Variants in PRH1 observed in about 807,000 individuals in gnomAD.
PRH1 encodes the protein proline rich protein HaeIII subfamily 1.
A neutral mutation model predicts 7.9 loss-of-function variants in PRH1; 7 were observed. The observed-to-expected ratio is 0.89, with a 90% CI of 0.50 to 1.67. The LOEUF (loss-of-function observed/expected upper bound fraction) is 1.67. PRH1 is among the 40% of genes most tolerant of loss of function. The pLI is 0.00. For missense variants in PRH1, 109 were observed against 223.6 expected (o/e 0.49, Z 3.27); for synonymous variants, 45 against 80.8 (o/e 0.56, Z 2.38).
At chr12:10,908,351 T>G in intron 2 of PRH1, 7 of 1,564,996 alleles carry the variant, frequency 4.5e-6, no homozygotes, top group Non-Finnish European at 6.1e-6. Context: ...TATTCAATAA[T>G]CTGTGGTCTG....
intron 1 of PRH1, among the ~76,000 whole-genome samples, chr12:11,065,342 A>T (rs1404926482): frequency 6.6e-5 from 10 of 152,130 alleles, no homozygotes; most frequent in Non-Finnish European, 2.9e-5. Context: ...CTAAAAATAT[A>T]TGAACTGATA....
chr12:11,102,325 G>C (rs1945280764), intron 1 of PRH1, among the ~76,000 whole-genome samples: 1 of 152,126 alleles, frequency 6.6e-6, no homozygotes, highest in Non-Finnish European at 1.5e-5. Context: ...AAACAGCATG[G>C]TGCTGGTACC....
At position 11,066,827 on chromosome 12, in the gene PRH1, T is replaced by C. The variant is rs921897437; in HGVS notation, n.124-19639A>G. On this transcript the variant is annotated intron_variant and non_coding_transcript_variant, in intron 1 of 4. Transcript: ENST00000541977. ...GGCCTAGAGAAGTATCCTCATGTGG[T>C]AGTTCATCAAGAATAATGTAAAACC... 9.2e-5 allele frequency among the ~76,000 whole-genome samples: 14 copies of C among 151,976 alleles called. No individual in the cohort carries two copies. In the South Asian group the frequency reaches 2.3e-3, roughly 25 times the overall value.
intron 1 of PRH1, among the ~76,000 whole-genome samples, chr12:11,031,676 T>G (rs2136103446): frequency 6.6e-6 from 1 of 152,318 alleles, no homozygotes; most frequent in South Asian, 2.1e-4. Context: ...CATTGGCTAC[T>G]TTTAGGATCC....
At chr12:11,073,611 C>T (rs1393670783) in intron 1 of PRH1, among the ~76,000 whole-genome samples, 1 of 151,836 alleles carries the variant, frequency 6.6e-6, no homozygotes, top group Non-Finnish European at 1.5e-5. Context: ...GTTAACCTAC[C>T]TAGCCTCTGC....
chr12:11,092,701 T>A (rs149931252), intron 1 of PRH1, among the ~76,000 whole-genome samples: 2,904 of 115,620 alleles, frequency 0.025, 844 homozygotes, highest in South Asian at 0.038. Flanking sequence ...CTTGCTAGCT[T>A]CAGAAACGTT....
At chr12:11,040,130 A>C (rs1484451654) in intron 1 of PRH1, among the ~76,000 whole-genome samples, 2 of 152,306 alleles carry the variant, frequency 1.3e-5, no homozygotes, top group Middle Eastern at 6.8e-3. Flanking sequence ...AAGAGTCTAG[A>C]GTTCTTTGTA....
At chr12:11,030,183 G>A (rs1415264088) in intron 1 of PRH1, among the ~76,000 whole-genome samples, 4 of 151,656 alleles carry the variant, frequency 2.6e-5, no homozygotes, top group Non-Finnish European at 5.9e-5. Flanking sequence ...AAACAGAAAA[G>A]AGCATGTTAT....
intron 2 of PRH1, among the ~76,000 whole-genome samples, chr12:10,912,635 A>G (rs917014751): frequency 2.6e-5 from 4 of 151,940 alleles, no homozygotes; most frequent in Non-Finnish European, 2.9e-5. Flanking sequence ...TATTCCTGGC[A>G]TACGTTTTCC....
intron 2 of PRH1, among the ~76,000 whole-genome samples, chr12:10,935,215 T>G (rs948523910): frequency 6.6e-6 from 1 of 152,186 alleles, no homozygotes; most frequent in African/African-American, 2.4e-5. Flanking sequence ...TGTCCAGGAA[T>G]GACTGCTGTC....
chr12:11,102,080 T>C (rs1945272178), intron 1 of PRH1, among the ~76,000 whole-genome samples: 1 of 152,080 alleles, frequency 6.6e-6, no homozygotes, highest in African/African-American at 2.4e-5. Context: ...TGCTCATGGA[T>C]AGGAAGAATC....
At chr12:11,171,275 C>A in intron 1 of PRH1, 1 of 929,344 alleles carries the variant, frequency 1.1e-6, no homozygotes, top group South Asian at 5.5e-5. Flanking sequence ...ACCGTCCTGC[C>A]GGTCCCAGCC....
rs190376155 is a variant in PRH1, at chr12:11,094,219, G to A, written n.124-47031C>T. 3.3e-4 allele frequency among the ~76,000 whole-genome samples: 34 copies of A among 103,754 alleles called. 5 individuals carry two copies. The highest frequency in any genetic ancestry group is 1.0e-3 in the African/African-American group (30 of 30,004). 68.1% of individuals were successfully genotyped at this position (103,754 alleles called of 152,430 possible). On this transcript the variant is annotated intron_variant and non_coding_transcript_variant, in intron 1 of 4. Coordinates refer to the PRH1 transcript ENST00000541977. ...CAGGAGGCTGAGGCAGGAGAATGGC[G>A]TGAACCCCGGAGGCGGAGGTTGCAG...
intron 2 of PRH1, among the ~76,000 whole-genome samples, chr12:10,942,020 C>T (rs1950409114): frequency 6.6e-6 from 1 of 152,084 alleles, no homozygotes; most frequent in African/African-American, 2.4e-5. Flanking sequence ...AGAAAGTCCA[C>T]CAGGCTCCAG....
At chr12:11,069,120 G>T (rs1401208515) in intron 1 of PRH1, among the ~76,000 whole-genome samples, 2 of 22,436 alleles carry the variant, frequency 8.9e-5, no homozygotes, top group East Asian at 3.3e-3. Flanking sequence ...GTTTCACCAT[G>T]TTTCCTAGGT....
intron 2 of PRH1, chr12:10,909,166 C>A (rs111298542): frequency 2.5e-6 from 4 of 1,613,930 alleles, no homozygotes; most frequent in Non-Finnish European, 3.4e-6. Context: ...AGGAGTTTAT[C>A]GACTGAGGAC....
chr12:11,024,044 T>C (rs1212800029), intron 1 of PRH1, among the ~76,000 whole-genome samples: 1 of 152,240 alleles, frequency 6.6e-6, no homozygotes, highest in Non-Finnish European at 1.5e-5. Flanking sequence ...AAGAAAAACC[T>C]ATTCAGAAAT....
intron 2 of PRH1, among the ~76,000 whole-genome samples, chr12:10,901,561 T>C (rs1435478518): frequency 6.6e-6 from 1 of 152,160 alleles, no homozygotes; most frequent in Non-Finnish European, 1.5e-5. Context: ...CACACCACTG[T>C]GTACTCCATG....
intron 2 of PRH1, chr12:10,973,627 C>T (rs769951964): frequency 1.3e-6 from 1 of 771,762 alleles, no homozygotes; most frequent in African/African-American, 1.7e-5. Flanking sequence ...TTCATTTGAT[C>T]CTGTGTTACT....
Sources: gnomAD v4.1 joint callset for allele counts (sites outside exome capture counted in the v4.1 genomes callset) on GRCh38, gnomAD v4.1.1 for gene constraint, MANE v1.5 for transcripts, NCBI Gene and HGNC (gene_info 2026-07-23, HGNC 2026-07-21) for gene names.